Variants in ROBO2 observed in about 807,000 individuals in gnomAD.
ROBO2 encodes the protein roundabout homolog 2.
ROBO2 carries 53 observed loss-of-function variants against 160.8 expected under a neutral mutation model. The ratio of observed to expected loss-of-function variants is 0.33; its 90% confidence interval spans 0.26 to 0.41. The LOEUF (loss-of-function observed/expected upper bound fraction) is 0.41. Among genes scored for constraint, ROBO2 ranks in the 10% least tolerant of loss-of-function variants. The pLI, the probability that ROBO2 is intolerant of heterozygous loss-of-function variation, is 1.00. For missense variants in ROBO2, 1,577 were observed against 1,722.4 expected, an observed-to-expected ratio of 0.92 and a Z score of 1.49; for synonymous variants, 664 against 611.7, an observed-to-expected ratio of 1.09 and a Z score of -1.26.
chr3:77,211,634 C>T (rs1391231664), intron 2 of ROBO2, among the ~76,000 whole-genome samples: 1 of 152,174 alleles, frequency 6.6e-6, no homozygotes, highest in Non-Finnish European at 1.5e-5. Flanking sequence ...GTGTTTTAGA[C>T]ATGAAGTCCT....
chr3:77,499,411 A>G (rs2087226510), intron 5 of ROBO2, among the ~76,000 whole-genome samples: 1 of 152,214 alleles, frequency 6.6e-6, no homozygotes, highest in East Asian at 1.9e-4. Context: ...TTAAAATGAT[A>G]TAACCATTTC....
At chr3:76,964,175 T>TG (rs2079892818) in intron 2 of ROBO2, among the ~76,000 whole-genome samples, 1 of 152,158 alleles carries the variant, frequency 6.6e-6, no homozygotes, top group Non-Finnish European at 1.5e-5. Context: ...AGAATCCAAG[T>TG]TTTTTTCTCA....
chr3:76,073,263 T>C (rs4290809), intron 2 of ROBO2, among the ~76,000 whole-genome samples: 69,285 of 111,892 alleles, frequency 0.62, 21,621 homozygotes, highest in African/African-American at 0.74. Flanking sequence ...TCAGAATGAG[T>C]ATTCTTTTTT....
intron 2 of ROBO2, among the ~76,000 whole-genome samples, chr3:76,753,699 A>T (rs1312891536): frequency 6.6e-6 from 1 of 151,880 alleles, no homozygotes; most frequent in African/African-American, 2.4e-5. Context: ...ATTTAAAAAG[A>T]CAGAACGCTC....
chr3:76,850,443 T>C (rs1211456096), intron 2 of ROBO2, among the ~76,000 whole-genome samples: 2 of 152,124 alleles, frequency 1.3e-5, no homozygotes, highest in Non-Finnish European at 2.9e-5. Context: ...TCCAGGGAGC[T>C]TTGACCGATG....
intron 2 of ROBO2, among the ~76,000 whole-genome samples, chr3:77,371,307 T>C (rs1238484290): frequency 6.6e-6 from 1 of 152,220 alleles, no homozygotes; most frequent in Non-Finnish European, 1.5e-5. Flanking sequence ...CTACAAGTAG[T>C]GCTCTTTATA....
chr3:76,197,288 GC>G (rs200395301), intron 2 of ROBO2, among the ~76,000 whole-genome samples: 271 of 146,160 alleles, frequency 1.9e-3, no homozygotes, highest in Non-Finnish European at 3.0e-3. Context: ...ATCTGGGCCT[GC>G]CTTTCTCCTT....
At chr3:77,220,505 G>A (rs1002422496) in intron 2 of ROBO2, among the ~76,000 whole-genome samples, 11 of 151,350 alleles carry the variant, frequency 7.3e-5, no homozygotes, top group East Asian at 1.9e-4. Flanking sequence ...TTTTTTATAC[G>A]AATAAAATAT....
At chr3:77,527,730 C>T (rs1002614249) in intron 6 of ROBO2, among the ~76,000 whole-genome samples, 2 of 151,342 alleles carry the variant, frequency 1.3e-5, no homozygotes, top group African/African-American at 4.8e-5. Flanking sequence ...GAAAGCATTG[C>T]TCTCCTTTTT....
chr3:75,967,344 A>G (rs1487186722), intron 2 of ROBO2, among the ~76,000 whole-genome samples: 12 of 151,552 alleles, frequency 7.9e-5, no homozygotes, highest in African/African-American at 4.8e-5. Flanking sequence ...CTTTGTTCAG[A>G]AGTGAACTCA....
At chr3:76,781,484 A>G (rs570156514) in intron 2 of ROBO2, among the ~76,000 whole-genome samples, 1 of 150,710 alleles carries the variant, frequency 6.6e-6, no homozygotes, top group Admixed American at 6.6e-5. Flanking sequence ...TATCTTGTAC[A>G]TAATGTTAGA....
intron 24 of ROBO2, among the ~76,000 whole-genome samples, chr3:77,635,703 G>A (rs760608523): frequency 6.6e-6 from 1 of 152,058 alleles, no homozygotes; most frequent in African/African-American, 2.4e-5. Context: ...ACAGAAACAC[G>A]CTGCACAGAT....
At chr3:76,287,659 A>G (rs1708577001) in intron 2 of ROBO2, among the ~76,000 whole-genome samples, 1 of 152,120 alleles carries the variant, frequency 6.6e-6, no homozygotes, top group Non-Finnish European at 1.5e-5. Flanking sequence ...AGTACTGCAT[A>G]ATGGTTAAAG....
At position 76,357,047 on chromosome 3, in the gene ROBO2, T is replaced by C. The variant is rs558896346; in HGVS notation, c.109+419445T>C. On this transcript the variant is annotated intron_variant, in intron 2 of 26. Transcript: ENST00000487694. ...TCTAAGACTTGTACACTGAGAACTA[T>C]TTAAAAAAAGGCAGAGAAATGAAAG... Among the ~76,000 whole-genome samples, 11 of 151,800 alleles carry C rather than the reference T, an allele frequency of 7.2e-5. No homozygotes were observed. The East Asian group carries it at 2.1e-3, about 29-fold the overall frequency.
At chr3:76,296,554 C>T (rs1036383479) in intron 2 of ROBO2, among the ~76,000 whole-genome samples, 4 of 150,164 alleles carry the variant, frequency 2.7e-5, no homozygotes, top group Non-Finnish European at 5.9e-5. Flanking sequence ...CTCACCTTCC[C>T]CTTTCTCCCT....
At chr3:76,495,772 CA>C (rs2080116105) in intron 2 of ROBO2, among the ~76,000 whole-genome samples, 1 of 152,092 alleles carries the variant, frequency 6.6e-6, no homozygotes, top group Non-Finnish European at 1.5e-5. Context: ...TATCAGAATA[CA>C]AAATATGAAA....
intron 2 of ROBO2, among the ~76,000 whole-genome samples, chr3:76,901,493 G>T (rs1298494697): frequency 1.3e-5 from 2 of 149,680 alleles, no homozygotes; most frequent in South Asian, 2.1e-4. Context: ...GCTTGAAACT[G>T]GGAGGCAGAG....
chr3:76,261,671 A>G (rs533594016), intron 2 of ROBO2, among the ~76,000 whole-genome samples: 107 of 152,202 alleles, frequency 7.0e-4, no homozygotes, highest in Admixed American at 2.1e-3. Context: ...TAATTGTACT[A>G]TTTGGTGCTA....
intron 2 of ROBO2, among the ~76,000 whole-genome samples, chr3:76,182,007 T>G (rs1701529800): frequency 6.6e-6 from 1 of 152,158 alleles, no homozygotes; most frequent in Non-Finnish European, 1.5e-5. Context: ...GAAGAAAGAT[T>G]AGGAATGAGT....
Sources: gnomAD v4.1 joint callset for allele counts (sites outside exome capture counted in the v4.1 genomes callset) on GRCh38, gnomAD v4.1.1 for gene constraint, MANE v1.5 for transcripts, NCBI Gene and HGNC (gene_info 2026-07-23, HGNC 2026-07-21) for gene names.